The following PRORP variants were observed in gnomAD, a reference collection of about 807,000 sequenced individuals.
PRORP encodes protein only RNase P catalytic subunit.
In PRORP, 51 loss-of-function variants were observed where a neutral mutation model predicts 59.4. That is an observed-to-expected ratio of 0.86 (90% CI 0.69 to 1.08). The LOEUF is 1.08. Among genes scored for constraint, PRORP ranks in the 50% least tolerant of loss-of-function variants. The pLI is 0.00. For synonymous variants in PRORP, 231 were observed against 245.6 expected (o/e 0.94, Z 0.55); for missense variants, 646 against 690.3 (o/e 0.94, Z 0.72).
chr14:35,206,331 A>T (rs2049293928), intron 5 of PRORP, among the ~76,000 whole-genome samples: 1 of 152,244 alleles, frequency 6.6e-6, no homozygotes, highest in East Asian at 1.9e-4. Flanking sequence ...GAGGTGGAGG[A>T]CACTGTTATT....
At chr14:35,181,167 C>G (rs940467486) in intron 5 of PRORP, among the ~76,000 whole-genome samples, 1 of 152,102 alleles carries the variant, frequency 6.6e-6, no homozygotes, top group Non-Finnish European at 1.5e-5. Context: ...ATTAATCACT[C>G]ATTACTCACA....
At chr14:35,128,036 C>G (rs183438665) in intron 4 of PRORP, among the ~76,000 whole-genome samples, 143 of 152,310 alleles carry the variant, frequency 9.4e-4, no homozygotes, top group African/African-American at 3.3e-3. Flanking sequence ...GCCATGAAAA[C>G]ATTGTAGTTT....
chr14:35,253,622 G>A (rs2050674379), intron 5 of PRORP, among the ~76,000 whole-genome samples: 1 of 152,030 alleles, frequency 6.6e-6, no homozygotes, highest in Non-Finnish European at 1.5e-5. Flanking sequence ...AGGATTTAGG[G>A]AACCAACTGA....
intron 5 of PRORP, among the ~76,000 whole-genome samples, chr14:35,231,024 G>C (rs1417858814): frequency 2.6e-5 from 4 of 151,604 alleles, no homozygotes; most frequent in Admixed American, 1.3e-4. Context: ...TGAAGAAATG[G>C]ATAATACTGG....
At chr14:35,156,959 CT>C (rs11370871) in intron 4 of PRORP, among the ~76,000 whole-genome samples, 16 of 137,012 alleles carry the variant, frequency 1.2e-4, no homozygotes, top group Non-Finnish European at 1.5e-4. Flanking sequence ...TTTTTCTTTT[CT>C]TTTTTTTTTT....
At chr14:35,193,854 C>T (rs1325661507) in intron 5 of PRORP, among the ~76,000 whole-genome samples, 1 of 152,184 alleles carries the variant, frequency 6.6e-6, no homozygotes, top group Non-Finnish European at 1.5e-5. Context: ...AAGACTCTCT[C>T]TTAACATCTG....
At chr14:35,187,389 A>G (rs2048766408) in intron 5 of PRORP, among the ~76,000 whole-genome samples, 1 of 149,134 alleles carries the variant, frequency 6.7e-6, no homozygotes, top group South Asian at 2.1e-4. Flanking sequence ...TGTTTTGGTC[A>G]TGTAAGAAAT....
At chr14:35,152,607 C>T (rs2047792820) in intron 4 of PRORP, among the ~76,000 whole-genome samples, 1 of 151,558 alleles carries the variant, frequency 6.6e-6, no homozygotes, top group Admixed American at 6.6e-5. Context: ...CGGGGGCTGA[C>T]CCCCCCACCT....
intron 4 of PRORP, among the ~76,000 whole-genome samples, chr14:35,156,942 T>C (rs549481098): frequency 7.4e-6 from 1 of 135,080 alleles, no homozygotes; most frequent in Admixed American, 8.6e-5. Flanking sequence ...GTAGTTCATT[T>C]TTTTCTTTTT....
Position 35,275,265 on chromosome 14 carries a change from A to G in PRORP, c.*1699A>G, listed in dbSNP as rs888554862. ...TAAGAAAAGATAATTACTTACATGAAATAAACAATGACCTCTTTTATATCA... is the reference window on the plus strand; with the variant it reads ...TAAGAAAAGATAATTACTTACATGAGATAAACAATGACCTCTTTTATATCA... On this transcript the variant is annotated 3_prime_UTR_variant, in exon 8 of 8. Coordinates refer to ENST00000534898, the MANE Select transcript of PRORP (RefSeq NM_014672.4). The G allele has an allele frequency of 6.6e-6, 1 of 152,220 alleles. No homozygotes were observed. The highest frequency in any genetic ancestry group is 2.4e-5 in the African/African-American group (1 of 41,458). 9.4% of individuals were successfully genotyped at this position (152,220 alleles called of 1,614,324 possible).
intron 2 of PRORP, 126 bp downstream of exon 2, chr14:35,124,357 T>C: frequency 1.8e-6 from 1 of 547,264 alleles, no homozygotes; most frequent in Non-Finnish European, 3.0e-6. Flanking sequence ...AACCTCAAAC[T>C]CCTGGCCTCA....
At chr14:35,174,748 TTC>T (rs1431952855) in intron 4 of PRORP, among the ~76,000 whole-genome samples, 9 of 90,882 alleles carry the variant, frequency 9.9e-5, no homozygotes, top group African/African-American at 2.1e-4. Flanking sequence ...TCTTTTTTTT[TTC>T]TTTTTTTTTT....
chr14:35,273,245 C>T (rs1304169454), intron 7 of PRORP, among the ~76,000 whole-genome samples, 190 bp from the exon 8 acceptor site: 1 of 151,894 alleles, frequency 6.6e-6, no homozygotes, highest in East Asian at 1.9e-4. Context: ...TGAGACCCCT[C>T]AAAAAAAGGA....
intron 4 of PRORP, among the ~76,000 whole-genome samples, chr14:35,133,351 A>G (rs999181661): frequency 3.4e-5 from 5 of 148,268 alleles, no homozygotes; most frequent in African/African-American, 1.3e-4. Flanking sequence ...TTTCTGCTTG[A>G]TTCTTTTTAA....
At chr14:35,135,371 C>G (rs1001247251) in intron 4 of PRORP, among the ~76,000 whole-genome samples, 2 of 152,248 alleles carry the variant, frequency 1.3e-5, no homozygotes, top group South Asian at 4.1e-4. Context: ...CCTTCTTGCT[C>G]CACCCCTTCT....
chr14:35,247,536 C>A (rs750165425), intron 5 of PRORP, among the ~76,000 whole-genome samples: 4 of 152,134 alleles, frequency 2.6e-5, no homozygotes, highest in Non-Finnish European at 5.9e-5. Context: ...CTTCTGAACT[C>A]CCCACTCATC....
At chr14:35,128,185 A>T (rs764063512) in intron 4 of PRORP, among the ~76,000 whole-genome samples, 2 of 152,116 alleles carry the variant, frequency 1.3e-5, no homozygotes, top group Non-Finnish European at 2.9e-5. Context: ...ATGATGAATG[A>T]TCTTTTTAAT....
chr14:35,192,087 A>G (rs8012774), intron 5 of PRORP, among the ~76,000 whole-genome samples: 137,831 of 152,186 alleles, frequency 0.91, 62,421 homozygotes, highest in South Asian at 0.92. Context: ...CAAGTTCCTC[A>G]TCGTGGATTA....
chr14:35,148,277 G>A (rs540359701), intron 4 of PRORP, among the ~76,000 whole-genome samples: 66 of 152,300 alleles, frequency 4.3e-4, no homozygotes, highest in Admixed American at 6.5e-4. Flanking sequence ...CTAGAAAGTC[G>A]AATTTACTCT....
Sources: allele counts gnomAD v4.1 joint callset (sites outside exome capture counted in the v4.1 genomes callset), GRCh38; gene constraint gnomAD v4.1.1; transcripts MANE v1.5; gene names NCBI Gene and HGNC (gene_info 2026-07-23, HGNC 2026-07-21).